GAREM1: variants seen among roughly 807,000 people sequenced by gnomAD.
GAREM1 encodes the protein GRB2-associated and regulator of MAPK protein 1.
A neutral mutation model predicts 71.3 loss-of-function variants in GAREM1; 26 were observed. The observed-to-expected ratio is 0.36, with a 90% confidence interval of 0.27 to 0.51. The LOEUF (loss-of-function observed/expected upper bound fraction) is 0.51. GAREM1 is among the 20% of genes least tolerant of loss of function. The pLI is 0.95. For missense variants in GAREM1, 1,026 were observed against 1,103.1 expected (o/e 0.93, Z 0.99); for synonymous variants, 440 against 433.2 (o/e 1.02, Z -0.20).
chr18:32,447,124 C>T (rs2048792424), intron 1 of GAREM1, among the ~76,000 whole-genome samples: 1 of 152,148 alleles, frequency 6.6e-6, no homozygotes, highest in African/African-American at 2.4e-5. Flanking sequence ...CAGTTACAAC[C>T]CTTTCAAGGC....
At position 32,420,848 on chromosome 18, in the gene GAREM1, C is replaced by T. The variant is rs184412515; in HGVS notation, c.122-27813G>A. Among the ~76,000 whole-genome samples, 21 of 152,218 alleles carry T rather than the reference C, an allele frequency of 1.4e-4. No homozygotes were observed. In the East Asian group the frequency reaches 4.1e-3, roughly 29 times the overall value. ...TTTCATAAACATGAACGTTCTCTGC[C>T]GTGGCTCTGTCTTCATTACAGAGAA... On this transcript the variant is annotated intron_variant, in intron 1 of 5. Transcript: ENST00000269209.
At chr18:32,469,441 T>C (rs1402463386) in intron 1 of GAREM1, among the ~76,000 whole-genome samples, 7 of 152,192 alleles carry the variant, frequency 4.6e-5, no homozygotes, top group South Asian at 2.1e-4. Flanking sequence ...ACTGAAGTTA[T>C]GATGAAAACA....
intron 3 of GAREM1, among the ~76,000 whole-genome samples, chr18:32,292,088 A>ACTAATTACAC (rs1241936321): frequency 6.6e-6 from 1 of 152,180 alleles, no homozygotes; most frequent in African/African-American, 2.4e-5. Flanking sequence ...CAATGGTTGA[A>ACTAATTACAC]CTAATTTACA....
chr18:32,434,452 A>G (rs1369174301), intron 1 of GAREM1, among the ~76,000 whole-genome samples: 3 of 152,160 alleles, frequency 2.0e-5, no homozygotes, highest in Admixed American at 1.3e-4. Context: ...GGGCAGGGGC[A>G]TCTTGTGCTG....
At chr18:32,407,983 T>TAA (rs1483597542) in intron 1 of GAREM1, among the ~76,000 whole-genome samples, 22 of 150,520 alleles carry the variant, frequency 1.5e-4, no homozygotes, top group African/African-American at 4.6e-4. Flanking sequence ...CTTTTTTTTT[T>TAA]AAAAAAAAAC....
intron 2 of GAREM1, among the ~76,000 whole-genome samples, chr18:32,384,545 C>T (rs1008474839): frequency 6.6e-6 from 1 of 152,184 alleles, no homozygotes; most frequent in Non-Finnish European, 1.5e-5. Context: ...GATTTAACAA[C>T]TTAGTTTGCC....
chr18:32,332,357 C>T (rs1228807229), intron 2 of GAREM1, among the ~76,000 whole-genome samples: 1 of 152,014 alleles, frequency 6.6e-6, no homozygotes, highest in Non-Finnish European at 1.5e-5. Context: ...CCATGTAACA[C>T]ACCAGAGACG....
At chr18:32,423,831 T>C (rs2048545551) in intron 1 of GAREM1, among the ~76,000 whole-genome samples, 1 of 152,150 alleles carries the variant, frequency 6.6e-6, no homozygotes, top group Non-Finnish European at 1.5e-5. Context: ...CTATAGAGTA[T>C]AGATGTCTAT....
intron 1 of GAREM1, among the ~76,000 whole-genome samples, chr18:32,423,819 G>C (rs1388639973): frequency 6.6e-6 from 1 of 152,144 alleles, no homozygotes; most frequent in Admixed American, 6.5e-5. Flanking sequence ...TGTTAGACCT[G>C]ACTATAGAGT....
At chr18:32,399,207 C>T (rs1454360067) in intron 1 of GAREM1, among the ~76,000 whole-genome samples, 1 of 152,120 alleles carries the variant, frequency 6.6e-6, no homozygotes, top group Non-Finnish European at 1.5e-5. Flanking sequence ...AACCTACAGC[C>T]AATATCATAC....
chr18:32,443,622 AAG>A (rs1196060657), intron 1 of GAREM1, among the ~76,000 whole-genome samples: 1 of 152,214 alleles, frequency 6.6e-6, no homozygotes, highest in Admixed American at 6.5e-5. Flanking sequence ...TGTCATCAAA[AAG>A]AGAGACAGCA....
chr18:32,268,068 A>G lies in GAREM1; in HGVS notation c.2434T>C (p.Ser812Pro), dbSNP rs771648424. 1 of 1,614,108 alleles carries G rather than the reference A, an allele frequency of 6.2e-7. No homozygotes were observed. The highest frequency in any genetic ancestry group is 8.5e-7 in the Non-Finnish European group (1 of 1,179,986). Reference protein sequence around the residue: ...WQPPADLSGLSIEEVSKSLRF... With the variant: ...WQPPADLSGLPIEEVSKSLRF... ...AGTGACTTGGACACTTCCTCTATAG[A>G]GAGTCCTGATAGGTCAGCAGGTGGC... is the stretch of plus-strand genomic sequence containing the variant. Residue 812 changes from serine (S) to proline (P), a missense_variant, in exon 6 of 6, where the codon TCT becomes CCT. By Grantham distance (74) the Ser-to-Pro change is moderately conservative (BLOSUM62 -1). Coordinates refer to ENST00000269209, the MANE Select transcript of GAREM1 (RefSeq NM_001242409.2).
At chr18:32,424,063 G>A (rs200585795) in intron 1 of GAREM1, among the ~76,000 whole-genome samples, 3 of 151,898 alleles carry the variant, frequency 2.0e-5, no homozygotes, top group East Asian at 3.9e-4. Flanking sequence ...TTGAGCCCAG[G>A]AGATAGAGGC....
At chr18:32,358,607 TCCTTAAAAGGACACAGAATTAAC>T (rs1420253791) in intron 2 of GAREM1, among the ~76,000 whole-genome samples, 2 of 152,182 alleles carry the variant, frequency 1.3e-5, no homozygotes, top group Non-Finnish European at 2.9e-5. Flanking sequence ...CCAAATGTCT[TCCTTAAAAGGACACAGAATTAAC>T]CCATAGAAGC....
chr18:32,326,413 T>G (rs1176939602), intron 2 of GAREM1, among the ~76,000 whole-genome samples: 1 of 152,156 alleles, frequency 6.6e-6, no homozygotes, highest in African/African-American at 2.4e-5. Flanking sequence ...CAGTCAAAAC[T>G]GCAGTAAAAA....
At chr18:32,429,894 G>A (rs543826376) in intron 1 of GAREM1, among the ~76,000 whole-genome samples, 2 of 152,302 alleles carry the variant, frequency 1.3e-5, no homozygotes, top group South Asian at 2.1e-4. Context: ...CAAAACCACA[G>A]TTGAATACTT....
chr18:32,395,131 C>G (rs150423002), intron 1 of GAREM1, among the ~76,000 whole-genome samples: 1 of 152,320 alleles, frequency 6.6e-6, no homozygotes, highest in East Asian at 1.9e-4. Flanking sequence ...CAAAGCTGCA[C>G]AGCATAGTAA....
intron 2 of GAREM1, among the ~76,000 whole-genome samples, chr18:32,377,529 A>G (rs971099149): frequency 2.0e-5 from 3 of 152,176 alleles, no homozygotes; most frequent in African/African-American, 7.2e-5. Flanking sequence ...CGGCTGCCAT[A>G]TGGGAAACTC....
At chr18:32,410,315 A>G (rs1459641033) in intron 1 of GAREM1, among the ~76,000 whole-genome samples, 1 of 152,182 alleles carries the variant, frequency 6.6e-6, no homozygotes, top group Non-Finnish European at 1.5e-5. Flanking sequence ...GATTGGATTT[A>G]CAGCCAGATT....
Sources: gnomAD v4.1 joint callset for allele counts (sites outside exome capture counted in the v4.1 genomes callset) on GRCh38, gnomAD v4.1.1 for gene constraint, MANE v1.5 for transcripts, NCBI Gene and HGNC (gene_info 2026-07-23, HGNC 2026-07-21) for gene names.